The following DENND3 variants were observed in gnomAD, a reference collection of about 807,000 sequenced individuals.
DENND3 encodes the protein DENN domain-containing protein 3.
A neutral mutation model predicts 135.1 loss-of-function variants in DENND3; 88 were observed. The ratio of observed to expected loss-of-function variants is 0.65; its 90% CI spans 0.55 to 0.78. DENND3 has a LOEUF of 0.78. Ranked by LOEUF, DENND3 falls within the 30% of genes least tolerant of loss-of-function variation. The pLI, the probability that DENND3 is intolerant of heterozygous loss-of-function variation, is 0.00. For synonymous variants in DENND3, 693 were observed against 712.3 expected (o/e 0.97, Z 0.43); for missense variants, 1,392 against 1,688.4 (o/e 0.82, Z 3.08).
At position 141,168,605 on chromosome 8, in the gene DENND3, TG is replaced by T. The variant is rs1821104387; in HGVS notation, c.2275+82del. On this transcript the variant is annotated intron_variant, in intron 13 of 22. Transcript: ENST00000519811. The surrounding 1 kb of genome is among the most constrained non-coding windows in gnomAD (Gnocchi z 6.2). ...CTCTGTCGCCCAGGCTGGAGTGGAC[TG>T]GCAATCACAGCTCACTGCAACCTCC... 24 of 1,489,332 alleles carry T rather than the reference TG, an allele frequency of 1.6e-5. 1 individual carries two copies. In the South Asian group the frequency reaches 3.3e-4, roughly 20 times the overall value. 92.3% of individuals were successfully genotyped at this position (1,489,332 alleles called of 1,614,324 possible).
chr8:141,172,604 C>T (rs1026371207), intron 13 of DENND3, among the ~76,000 whole-genome samples: 6 of 152,214 alleles, frequency 3.9e-5, no homozygotes, highest in Non-Finnish European at 7.3e-5. Flanking sequence ...GGGCTCCACA[C>T]TCAGGGTGTC....
At chr8:141,193,312 CCCCT>C (rs1018043936) in intron 22 of DENND3, 3 of 154,882 alleles carry the variant, frequency 1.9e-5, no homozygotes, top group African/African-American at 7.3e-5. Flanking sequence ...CAAAATACAC[CCCCT>C]CCATCACTAC....
At chr8:141,192,287 C>T (rs202150142) in intron 20 of DENND3, 44 bp from the exon 21 acceptor site, 1 of 1,606,574 alleles carries the variant, frequency 6.2e-7, no homozygotes, top group East Asian at 2.2e-5. Flanking sequence ...TCTTATGTTG[C>T]CAATGACACT....
chr8:141,151,857 A>G lies in DENND3; in HGVS notation c.1074+20A>G. 1 of 1,612,340 alleles carries G rather than the reference A, an allele frequency of 6.2e-7. No homozygotes were observed. Among genetic ancestry groups the G allele is most frequent in the African/African-American group, 1.3e-5 (1 of 75,040 alleles). On this transcript the variant is annotated intron_variant, in intron 7 of 22. Transcript: ENST00000519811. ...AGCAAGGTTAGGTAGCGAACCTTTGACTTGGAATGCTAAATTCCTGTGAGT... is the reference window on the plus strand; with the variant it reads ...AGCAAGGTTAGGTAGCGAACCTTTGGCTTGGAATGCTAAATTCCTGTGAGT...
intron 18 of DENND3, chr8:141,188,730 G>A (rs961143630): frequency 2.7e-5 from 12 of 441,216 alleles, no homozygotes; most frequent in Non-Finnish European, 4.8e-5. Flanking sequence ...GCTGGCGGCC[G>A]TGGGTTTCGT....
At chr8:141,129,335 T>TA (rs1271756354) in intron 1 of DENND3, among the ~76,000 whole-genome samples, 2 of 152,170 alleles carry the variant, frequency 1.3e-5, no homozygotes, top group African/African-American at 2.4e-5. Flanking sequence ...AGAGCAATCT[T>TA]AGAGTTAGCC....
At chr8:141,135,494 G>A (rs902279000) in intron 1 of DENND3, among the ~76,000 whole-genome samples, 32 of 152,248 alleles carry the variant, frequency 2.1e-4, no homozygotes, top group African/African-American at 7.2e-4. Context: ...TTGACTACCT[G>A]CCTTTGGCCA....
At chr8:141,134,444 C>T (rs1390223655) in intron 1 of DENND3, among the ~76,000 whole-genome samples, 3 of 151,622 alleles carry the variant, frequency 2.0e-5, no homozygotes, top group African/African-American at 4.8e-5. Flanking sequence ...TACAGGCGCC[C>T]GCCACCATGC....
At chr8:141,165,794 C>T (rs1013383422) in intron 11 of DENND3, among the ~76,000 whole-genome samples, 2 of 152,140 alleles carry the variant, frequency 1.3e-5, no homozygotes, top group Non-Finnish European at 2.9e-5. Context: ...ACACTTGAAA[C>T]GTGCCCGATG....
In DENND3 at chr8:141,182,590, G is replaced by T. The variant is rs766714811; in HGVS notation, c.2944+1736G>T. 7.1e-6 allele frequency: 5 copies of T among 706,840 alleles called. No homozygotes were observed. Among genetic ancestry groups the T allele is most frequent in the Non-Finnish European group, 8.7e-6 (5 of 576,502 alleles). The allele number at this position is 706,840 out of a possible 1,614,324, so 43.8% of individuals were successfully genotyped here. A position where few individuals can be genotyped will look rare whatever the true frequency, so the allele number is the denominator to read the frequency against. On this transcript the variant is annotated intron_variant, in intron 17 of 22. Transcript: ENST00000519811. This position sits in a 1 kb window ranked among gnomAD's most constrained non-coding sequence, Gnocchi z 5.9. ...GCGGCTTCCCCTCCAGGAGCATCTCGAAGGCCTGCAGAGAGCGTGCAAAGC... is the reference window on the plus strand; with the variant it reads ...GCGGCTTCCCCTCCAGGAGCATCTCTAAGGCCTGCAGAGAGCGTGCAAAGC...
intron 17 of DENND3, 92 bp downstream of exon 17, chr8:141,180,946 G>A: frequency 9.9e-7 from 1 of 1,009,126 alleles, no homozygotes; most frequent in Non-Finnish European, 1.4e-6. Context: ...AGTGAAAGGG[G>A]AGCCAGTGTC....
At position 141,194,950 on chromosome 8, in the gene DENND3, T is replaced by C. The variant is rs1238698622; in HGVS notation, c.*717T>C. On this transcript the variant is annotated 3_prime_UTR_variant, in exon 23 of 23. Coordinates refer to ENST00000519811, the MANE Select transcript of DENND3 (RefSeq NM_001352890.3). ...CCAAAGATCACAGACCAGAAAAAGTTCCATCTAAAATATCATGCCCAGGAA... is the reference window on the plus strand; with the variant it reads ...CCAAAGATCACAGACCAGAAAAAGTCCCATCTAAAATATCATGCCCAGGAA... 6.6e-6 allele frequency: 1 copy of C among 152,218 alleles called. No homozygotes were observed. The highest frequency in any genetic ancestry group is 6.5e-5 in the Admixed American group (1 of 15,278). 9.4% of individuals were successfully genotyped at this position (152,218 alleles called of 1,614,324 possible).
intron 8 of DENND3, 88 bp from the exon 9 acceptor site, chr8:141,160,544 T>G: frequency 7.2e-7 from 1 of 1,395,984 alleles, no homozygotes. Flanking sequence ...GTCTGTGAAG[T>G]GTTCATTTAC....
intron 1 of DENND3, among the ~76,000 whole-genome samples, chr8:141,131,359 A>G (rs1816070262): frequency 6.6e-6 from 1 of 152,328 alleles, no homozygotes; most frequent in South Asian, 2.1e-4. Context: ...TACCTTGCGT[A>G]GTACAGGTCA....
intron 8 of DENND3, 115 bp from the exon 9 acceptor site, chr8:141,160,517 T>C: frequency 1.6e-6 from 2 of 1,263,504 alleles, no homozygotes; most frequent in Non-Finnish European, 2.1e-6. Context: ...CCCCTCAAAT[T>C]ATTGATCGGT....
rs1474296937 is a variant in DENND3 at position 141,144,230 on chromosome 8, C to T, written c.706C>T (p.Pro236Ser). 3.7e-6 allele frequency: 6 copies of T among 1,613,718 alleles called. No individual in the cohort carries two copies. In the African/African-American group the frequency reaches 4.0e-5, roughly 11 times the overall value. ...KDFAAKLSLI[P>S]SPPPGPLHLV... ...TTTCGCTGCGAAGCTGTCTTTAATA[C>T]CCAGCCCGCCACCTGGACCGCTCCA... The change falls in exon 5 of 23, where the codon CCC (proline) becomes TCC (serine). Residue 236 changes from proline to serine, a missense_variant. Coordinates refer to ENST00000519811, the MANE Select transcript of DENND3 (RefSeq NM_001352890.3). The surrounding 1 kb of genome is among the most constrained non-coding windows in gnomAD (Gnocchi z 4.4).
intron 13 of DENND3, among the ~76,000 whole-genome samples, chr8:141,170,539 G>T (rs1213361974): frequency 6.6e-6 from 1 of 152,240 alleles, no homozygotes; most frequent in Non-Finnish European, 1.5e-5. Context: ...GAAGCCATCA[G>T]ATCGTGGCCT....
In DENND3 at chr8:141,176,695, G is replaced by A. The variant is rs1447993512; in HGVS notation, c.2640G>A (p.Glu880=). The change falls in exon 15 of 23, where the codon GAG becomes GAA. Residue 880 remains glutamate (E), a synonymous_variant. Coordinates refer to ENST00000519811, the MANE Select transcript of DENND3 (RefSeq NM_001352890.3). ...TCTTCGAAGCCAACCTGAAAACCGA[G>A]TGTGACCTTTGGCACCTGATGGTGA... ...KEVFEANLKT[E]CDLWHLMVKE... The A allele has an allele frequency of 4.3e-6, 7 of 1,614,130 alleles. No individual in the cohort carries two copies. In the African/African-American group the frequency reaches 8.0e-5, roughly 18 times the overall value.
chr8:141,137,956 C>A lies in DENND3; in HGVS notation c.386-66C>A. The A allele has an allele frequency of 6.6e-7, 1 of 1,506,950 alleles. No individual in the cohort carries two copies. The highest frequency in any genetic ancestry group is 9.0e-7 in the Non-Finnish European group (1 of 1,109,110). The allele number at this position is 1,506,950 out of a possible 1,614,324, so 93.3% of individuals were successfully genotyped here. On this transcript the variant is annotated intron_variant, in intron 2 of 22. Transcript: ENST00000519811. This position sits in a 1 kb window ranked among gnomAD's most constrained non-coding sequence, Gnocchi z 4.1. ...TGTGTCCTAAACACTGTGAAGAAAT[C>A]AGCTCGTGGGTAACCCAGGCCACTT...
Sources: allele counts gnomAD v4.1 joint callset (sites outside exome capture counted in the v4.1 genomes callset), GRCh38; gene constraint gnomAD v4.1.1; non-coding constraint Gnocchi (gnomAD v3.1); transcripts MANE v1.5; gene names NCBI Gene and HGNC (gene_info 2026-07-23, HGNC 2026-07-21).